The following CSMD1 variants were observed in gnomAD, a reference collection of about 807,000 sequenced individuals.
The protein encoded by CSMD1 is CUB and Sushi multiple domains 1, also known as CUB and sushi domain-containing protein 1.
In CSMD1, 213 loss-of-function variants were observed where a neutral mutation model predicts 417.5. The observed-to-expected ratio is 0.51, with a 90% CI of 0.46 to 0.57. CSMD1 has a LOEUF of 0.57. Ranked by LOEUF, CSMD1 falls within the 20% of genes least tolerant of loss-of-function variation. The pLI is 0.00. For missense variants in CSMD1, 6,923 were observed against 4,529.7 expected (o/e 1.53, Z -15.17); for synonymous variants, 2,862 against 1,736.8 (o/e 1.65, Z -16.11).
intron 5 of CSMD1, among the ~76,000 whole-genome samples, chr8:3,880,904 A>G (rs559883290): frequency 1.3e-4 from 20 of 152,298 alleles, no homozygotes; most frequent in Admixed American, 8.5e-4. Context: ...TTGAAAGTAA[A>G]CACAATGTTA....
chr8:3,645,893 C>G (rs1042024743), intron 7 of CSMD1, among the ~76,000 whole-genome samples: 1 of 152,080 alleles, frequency 6.6e-6, no homozygotes, highest in African/African-American at 2.4e-5. Context: ...CATATGAATA[C>G]TATAATTTTC....
intron 6 of CSMD1, among the ~76,000 whole-genome samples, chr8:3,753,148 G>T (rs1450454083): frequency 6.6e-6 from 1 of 152,114 alleles, no homozygotes; most frequent in Non-Finnish European, 1.5e-5. Flanking sequence ...TACCTTAATG[G>T]GGTCAACGTT....
intron 26 of CSMD1, among the ~76,000 whole-genome samples, chr8:3,256,529 G>C (rs947406830): frequency 1.3e-5 from 2 of 152,080 alleles, no homozygotes; most frequent in African/African-American, 4.8e-5. Context: ...AGGATTTATT[G>C]CATGCACTAA....
At chr8:4,674,222 A>C (rs762787397) in intron 1 of CSMD1, among the ~76,000 whole-genome samples, 1 of 152,112 alleles carries the variant, frequency 6.6e-6, no homozygotes, top group Non-Finnish European at 1.5e-5. Flanking sequence ...TGTTCACTGG[A>C]GGGGTTGGAC....
At chr8:4,698,684 C>T (rs1207985622) in intron 1 of CSMD1, among the ~76,000 whole-genome samples, 1 of 151,024 alleles carries the variant, frequency 6.6e-6, no homozygotes, top group Non-Finnish European at 1.5e-5. Context: ...AAGAAGCCCT[C>T]CTCCCTCTGT....
chr8:4,822,154 T>C (rs143513233), intron 1 of CSMD1, among the ~76,000 whole-genome samples: 55 of 152,124 alleles, frequency 3.6e-4, no homozygotes, highest in African/African-American at 1.2e-3. Context: ...TATAAGCCTC[T>C]GAATTTACTT....
chr8:3,469,358 A>G (rs1391194401), intron 11 of CSMD1, among the ~76,000 whole-genome samples: 1 of 152,228 alleles, frequency 6.6e-6, no homozygotes, highest in Admixed American at 6.5e-5. Flanking sequence ...ATAGGTAATT[A>G]TACATTAAGA....
intron 4 of CSMD1, among the ~76,000 whole-genome samples, chr8:3,999,533 T>G (rs987767812): frequency 1.3e-5 from 2 of 152,176 alleles, no homozygotes; most frequent in Non-Finnish European, 2.9e-5. Flanking sequence ...GAGGGTGATA[T>G]AGGTCCCTTC....
chr8:3,971,316 G>A lies in CSMD1; in HGVS notation c.818+26587C>T, dbSNP rs545099487. ...CCTCATGGGTTCTCCTGAGTTTCCAGTGGCTGCAGCTGCCGGTTCACATGT... is the reference window on the plus strand; with the variant it reads ...CCTCATGGGTTCTCCTGAGTTTCCAATGGCTGCAGCTGCCGGTTCACATGT... On this transcript the variant is annotated intron_variant, in intron 5 of 69. Coordinates refer to ENST00000635120, the MANE Select transcript of CSMD1 (RefSeq NM_033225.6). Among the ~76,000 whole-genome samples the A allele has an allele frequency of 2.6e-5, 4 of 152,240 alleles. No homozygotes were observed. The South Asian group carries it at 8.3e-4, about 32-fold the overall frequency.
intron 2 of CSMD1, among the ~76,000 whole-genome samples, chr8:4,564,362 T>A (rs751432447): frequency 4.7e-4 from 72 of 152,174 alleles, no homozygotes; most frequent in Non-Finnish European, 4.1e-4. Flanking sequence ...AAAAATAACA[T>A]AGATTGGTTG....
At chr8:3,612,378 CT>C (rs58552134) in intron 8 of CSMD1, among the ~76,000 whole-genome samples, 3,747 of 152,208 alleles carry the variant, frequency 0.025, 68 homozygotes, top group Middle Eastern at 0.075. Context: ...ATAAATCTCT[CT>C]CAATCACAGA....
At chr8:4,851,706 T>C (rs889138747) in intron 1 of CSMD1, among the ~76,000 whole-genome samples, 13 of 152,190 alleles carry the variant, frequency 8.5e-5, no homozygotes, top group Non-Finnish European at 1.6e-4. Flanking sequence ...GCATCGGCAA[T>C]CACCCATATG....
At chr8:4,404,789 T>C (rs936670312) in intron 3 of CSMD1, among the ~76,000 whole-genome samples, 3 of 152,128 alleles carry the variant, frequency 2.0e-5, no homozygotes, top group Admixed American at 2.0e-4. Flanking sequence ...AAGCAAGACT[T>C]GAACTAAATA....
intron 65 of CSMD1, 104 bp downstream of exon 65, chr8:2,954,120 C>T: frequency 1.8e-6 from 1 of 557,382 alleles, no homozygotes; most frequent in Non-Finnish European, 3.1e-6. Context: ...TGGTCGTGGA[C>T]TAACGGATTC....
chr8:4,303,674 G>C (rs1798103007), intron 3 of CSMD1, among the ~76,000 whole-genome samples: 1 of 151,522 alleles, frequency 6.6e-6, no homozygotes, highest in Non-Finnish European at 1.5e-5. Flanking sequence ...TTATTTTTTT[G>C]AGATGTAGTC....
chr8:3,438,671 T>G (rs1814734096), intron 12 of CSMD1, among the ~76,000 whole-genome samples: 1 of 152,242 alleles, frequency 6.6e-6, no homozygotes, highest in South Asian at 2.1e-4. Flanking sequence ...GGTGATTTCC[T>G]GTCTTTGACT....
intron 1 of CSMD1, among the ~76,000 whole-genome samples, chr8:4,826,935 C>T (rs932203991): frequency 1.3e-5 from 2 of 152,144 alleles, no homozygotes; most frequent in African/African-American, 4.8e-5. Context: ...CAGCTTACTA[C>T]TCACCCTTGA....
At chr8:3,703,475 CAT>C (rs1800989639) in intron 7 of CSMD1, among the ~76,000 whole-genome samples, 4 of 134,476 alleles carry the variant, frequency 3.0e-5, no homozygotes, top group East Asian at 2.1e-4. Context: ...TTCATTCATT[CAT>C]TCATCAGTAG....
intron 1 of CSMD1, among the ~76,000 whole-genome samples, chr8:4,659,069 G>A (rs12675498): frequency 0.091 from 13,869 of 152,020 alleles, 1,096 homozygotes; most frequent in East Asian, 0.22. Context: ...GAAAACCAGA[G>A]AACTTCACAA....
Sources: gnomAD v4.1 joint callset for allele counts (sites outside exome capture counted in the v4.1 genomes callset) on GRCh38, gnomAD v4.1.1 for gene constraint, MANE v1.5 for transcripts, NCBI Gene and HGNC (gene_info 2026-07-23, HGNC 2026-07-21) for gene names.